YME1L1: variants seen among roughly 807,000 people sequenced by gnomAD.
The protein encoded by YME1L1 is YME1 like 1 ATPase.
In YME1L1, 39 loss-of-function variants were observed where a neutral mutation model predicts 90.4. The observed-to-expected ratio is 0.43, with a 90% confidence interval of 0.33 to 0.56. The LOEUF is 0.56. Among genes scored for constraint, YME1L1 ranks in the 20% least tolerant of loss-of-function variants. YME1L1 has a pLI of 0.03. For synonymous variants in YME1L1, 284 were observed against 287.3 expected (o/e 0.99, Z 0.12); for missense variants, 617 against 868.4 (o/e 0.71, Z 3.64).
intron 7 of YME1L1, among the ~76,000 whole-genome samples, chr10:27,132,601 C>T (rs1291655692): frequency 2.0e-5 from 3 of 151,782 alleles, no homozygotes; most frequent in East Asian, 3.9e-4. Context: ...GCGGGCAGAT[C>T]GCAAGGTGAG....
intron 18 of YME1L1, among the ~76,000 whole-genome samples, chr10:27,113,545 G>A (rs1347628193): frequency 6.6e-6 from 1 of 151,416 alleles, no homozygotes; most frequent in Non-Finnish European, 1.5e-5. Flanking sequence ...GGTGGCACGC[G>A]CCTGTAATCC....
intron 6 of YME1L1, 109 bp downstream of exon 6, chr10:27,134,722 G>A (rs2057009306): frequency 9.0e-7 from 1 of 1,105,166 alleles, no homozygotes; most frequent in Admixed American, 2.3e-5. Context: ...AAATATAGTG[G>A]AATTTAATCA....
chr10:27,145,033 T>C (rs892807943), intron 3 of YME1L1, among the ~76,000 whole-genome samples: 1 of 151,972 alleles, frequency 6.6e-6, no homozygotes, highest in African/African-American at 2.4e-5. Flanking sequence ...CCCAGCTACT[T>C]GGGAGGCCGA....
At chr10:27,113,625 T>C (rs2056782110) in intron 18 of YME1L1, among the ~76,000 whole-genome samples, 1 of 145,862 alleles carries the variant, frequency 6.9e-6, no homozygotes, top group South Asian at 2.1e-4. Flanking sequence ...TGAGCCGAGA[T>C]AGCACTACTG....
At chr10:27,119,582 G>C in intron 13 of YME1L1, 133 bp from the exon 14 acceptor site, 1 of 911,976 alleles carries the variant, frequency 1.1e-6, no homozygotes, top group Non-Finnish European at 1.6e-6. Flanking sequence ...GCTGGGGCAG[G>C]CAGATCACCT....
At chr10:27,148,070 C>T (rs1208384919) in intron 2 of YME1L1, among the ~76,000 whole-genome samples, 6 of 152,122 alleles carry the variant, frequency 3.9e-5, no homozygotes, top group Non-Finnish European at 8.8e-5. Context: ...GTATGAGCTG[C>T]TCCCTAAATC....
chr10:27,150,763 T>G (rs555911553), intron 1 of YME1L1, among the ~76,000 whole-genome samples: 7 of 152,288 alleles, frequency 4.6e-5, no homozygotes, highest in African/African-American at 1.7e-4. Flanking sequence ...TGAAAACTTA[T>G]GAATAATCAC....
rs1400492112 is a variant in YME1L1, at chr10:27,149,151, CTG to C, written c.34-113_34-112del. 35 of 918,820 alleles carry C rather than the reference CTG, an allele frequency of 3.8e-5. 1 individual carries two copies. In the South Asian group the frequency reaches 6.1e-4, roughly 16 times the overall value. 56.9% of individuals were successfully genotyped at this position (918,820 alleles called of 1,614,324 possible). On this transcript the variant is annotated intron_variant, in intron 1 of 18. Transcript: ENST00000376016. ...GTTAAAGGTACATTATATATCAACTCTGTATACTAAAAACTGTAAGTACTCAG... is the reference window on the plus strand; with the variant it reads ...GTTAAAGGTACATTATATATCAACTCTATACTAAAAACTGTAAGTACTCAG...
intron 2 of YME1L1, chr10:27,147,292 G>C (rs761292903): frequency 2.9e-5 from 24 of 830,608 alleles, no homozygotes; most frequent in Non-Finnish European, 4.1e-5. Flanking sequence ...CCAGGAGTTC[G>C]AGATCAGCCT....
chr10:27,143,699 T>TAAAAAAAA (rs10671752), intron 3 of YME1L1, among the ~76,000 whole-genome samples: 2 of 134,316 alleles, frequency 1.5e-5, no homozygotes, highest in East Asian at 2.3e-4. Context: ...CTCGTCTCTT[T>TAAAAAAAA]AAAAAAAAAA....
chr10:27,152,234 A>G (rs1314734130), intron 1 of YME1L1, among the ~76,000 whole-genome samples: 4 of 152,224 alleles, frequency 2.6e-5, no homozygotes, highest in Non-Finnish European at 5.9e-5. Flanking sequence ...TGAATTAGTT[A>G]TATCTCTTTT....
At chr10:27,119,245 T>A (rs1241307151) in intron 14 of YME1L1, 49 bp downstream of exon 14, 1 of 1,538,228 alleles carries the variant, frequency 6.5e-7, no homozygotes, top group African/African-American at 1.4e-5. Context: ...AAATGAATTA[T>A]CTAACACAAT....
At chr10:27,113,543 G>A (rs191510366) in intron 18 of YME1L1, among the ~76,000 whole-genome samples, 299 of 151,534 alleles carry the variant, frequency 2.0e-3, no homozygotes, top group Middle Eastern at 0.01. Flanking sequence ...ATGGTGGCAC[G>A]CGCCTGTAAT....
In YME1L1 at chr10:27,120,558, A is replaced by C. The variant is rs760280500; in HGVS notation, c.1299-11T>G. 2 of 1,595,038 alleles carry C rather than the reference A, an allele frequency of 1.3e-6. No individual in the cohort carries two copies. The highest frequency in any genetic ancestry group is 1.1e-5 in the South Asian group (1 of 88,948). On this transcript the variant is annotated splice_polypyrimidine_tract_variant and intron_variant, in intron 12 of 18. Coordinates refer to ENST00000376016, the MANE Select transcript of YME1L1 (RefSeq NM_014263.4). ...GGACGTATTAAGGCACTACAGGAAG[A>C]ATGCAAAAGGAAAATATAAATTAAA...
chr10:27,128,648 T>C (rs2135864904), intron 8 of YME1L1, among the ~76,000 whole-genome samples: 1 of 152,080 alleles, frequency 6.6e-6, no homozygotes, highest in East Asian at 1.9e-4. Flanking sequence ...CTGATGCCTA[T>C]AATCCCAGCA....
chr10:27,119,711 A>G, intron 13 of YME1L1, among the ~76,000 whole-genome samples: 1 of 152,188 alleles, frequency 6.6e-6, no homozygotes, highest in East Asian at 1.9e-4. Context: ...CAGAAGGCTG[A>G]GGCAGAAGAA....
Position 27,154,191 on chromosome 10 carries a change from G to A in YME1L1, c.20C>T (p.Thr7Met), listed in dbSNP as rs761115049. 1.9e-4 allele frequency: 298 copies of A among 1,591,584 alleles called. No homozygotes were observed. The highest frequency in any genetic ancestry group is 2.5e-4 in the Non-Finnish European group (287 of 1,168,270). The change falls in exon 1 of 19, where the codon ACG becomes ATG. Residue 7 changes from threonine (T) to methionine (M), a missense_variant. Coordinates refer to ENST00000376016, the MANE Select transcript of YME1L1 (RefSeq NM_014263.4). ...TGCCTGGCTTACCTGGGGTTGCACC[G>A]TGCTCGACAAGGAAAACATCTCCGG... Reference protein sequence around the residue: MFSLSSTVQPQVTVPLS... With the variant: MFSLSSMVQPQVTVPLS...
At position 27,134,850 on chromosome 10, in the gene YME1L1, T is replaced by C. The variant is rs200075758; in HGVS notation, c.672A>G (p.Ala224=). Reference sequence around the variant, plus strand: ...ACTTACCATTGGTTTTTTGTGTGAGTGCTTGAGCTTTCAGAAAACCTTCCG... The same window carrying C: ...ACTTACCATTGGTTTTTTGTGTGAGCGCTTGAGCTTTCAGAAAACCTTCCG... ...GFAEGFLKAQ[A]LTQKTNDSLR... is the part of the protein sequence containing the mutation. The change falls in exon 6 of 19, where the codon GCA becomes GCG. Residue 224 remains alanine (A), a synonymous_variant. Coordinates refer to ENST00000376016, the MANE Select transcript of YME1L1 (RefSeq NM_014263.4). 9.9e-6 allele frequency: 16 copies of C among 1,614,068 alleles called. No homozygotes were observed. The highest frequency in any genetic ancestry group is 1.4e-5 in the Non-Finnish European group (16 of 1,179,966).
At chr10:27,129,998 C>G (rs1245633613) in intron 8 of YME1L1, among the ~76,000 whole-genome samples, 3 of 152,152 alleles carry the variant, frequency 2.0e-5, no homozygotes, top group Non-Finnish European at 2.9e-5. Context: ...GCTCTTCTGT[C>G]AGACAAAATC....
Sources: gnomAD v4.1 joint callset for allele counts (sites outside exome capture counted in the v4.1 genomes callset) on GRCh38, gnomAD v4.1.1 for gene constraint, MANE v1.5 for transcripts, NCBI Gene and HGNC (gene_info 2026-07-23, HGNC 2026-07-21) for gene names.